ARAP2: variants seen among roughly 807,000 people sequenced by gnomAD.
The protein encoded by ARAP2 is arf-GAP with Rho-GAP domain, ANK repeat and PH domain-containing protein 2.
A neutral mutation model predicts 194.5 loss-of-function variants in ARAP2; 148 were observed. The ratio of observed to expected loss-of-function variants is 0.76; its 90% confidence interval spans 0.67 to 0.87. The LOEUF is 0.87. Ranked by LOEUF, ARAP2 falls within the 40% of genes least tolerant of loss-of-function variation. The pLI is 0.00. For missense variants in ARAP2, 2,128 were observed against 1,989.7 expected, an observed-to-expected ratio of 1.07 and a Z score of -1.32; for synonymous variants, 695 against 683.5, an observed-to-expected ratio of 1.02 and a Z score of -0.26.
At chr4:36,185,978 C>CAAAAAAAAAAAAAAAAAAAAAAAAA (rs1054588041) in intron 8 of ARAP2, among the ~76,000 whole-genome samples, 3 of 135,152 alleles carry the variant, frequency 2.2e-5, no homozygotes, top group African/African-American at 8.3e-5. Flanking sequence ...AACTCTGTCT[C>CAAAAAAAAAAAAAAAAAAAAAAAAA]AAAAAAAAAA....
chr4:36,230,790 T>C (rs573115047), intron 1 of ARAP2, among the ~76,000 whole-genome samples: 5 of 152,224 alleles, frequency 3.3e-5, no homozygotes, highest in African/African-American at 1.2e-4. Flanking sequence ...AAAACCCCTC[T>C]ACAAAAGGCA....
chr4:36,153,580 A>G (rs961469813), intron 15 of ARAP2, among the ~76,000 whole-genome samples: 2 of 152,230 alleles, frequency 1.3e-5, no homozygotes, highest in African/African-American at 4.8e-5. Context: ...CATTCTTTCA[A>G]TTCAATCTTC....
At chr4:36,164,648 T>C (rs1300048858) in intron 11 of ARAP2, among the ~76,000 whole-genome samples, 1 of 152,184 alleles carries the variant, frequency 6.6e-6, no homozygotes, top group Admixed American at 6.5e-5. Context: ...ACCTAAAATC[T>C]AGAATTTTCA....
intron 32 of ARAP2, among the ~76,000 whole-genome samples, chr4:36,071,422 T>G (rs918319021): frequency 6.6e-6 from 1 of 152,166 alleles, no homozygotes; most frequent in African/African-American, 2.4e-5. Flanking sequence ...TCATGTGTGA[T>G]TTCCTCGGCC....
intron 2 of ARAP2, among the ~76,000 whole-genome samples, chr4:36,216,234 C>T (rs1747914728): frequency 6.6e-6 from 1 of 151,960 alleles, no homozygotes; most frequent in Non-Finnish European, 1.5e-5. Context: ...CCAGCCTGGG[C>T]AACAGAACAA....
At chr4:36,153,714 T>C (rs571896126) in intron 15 of ARAP2, among the ~76,000 whole-genome samples, 70 of 152,304 alleles carry the variant, frequency 4.6e-4, no homozygotes, top group African/African-American at 1.7e-3. Flanking sequence ...TTGGATACCT[T>C]GATTGTCAGC....
rs1194965556 is a variant in ARAP2, at chr4:36,226,576, C to T, written c.905+2006G>A. ...CTCTTTTTGCAATTCATTATTTAAG[C>T]GTTTCACTCTAACTACTTATTTGGA... On this transcript the variant is annotated intron_variant, in intron 2 of 32. Coordinates refer to ENST00000303965, the MANE Select transcript of ARAP2 (RefSeq NM_015230.4). Among the ~76,000 whole-genome samples the T allele has an allele frequency of 5.3e-5, 8 of 151,608 alleles. No individual in the cohort carries two copies. The South Asian group carries it at 1.2e-3, about 24-fold the overall frequency.
intron 2 of ARAP2, among the ~76,000 whole-genome samples, chr4:36,215,051 G>A (rs1747608621): frequency 6.6e-6 from 1 of 151,996 alleles, no homozygotes; most frequent in South Asian, 2.1e-4. Context: ...CAGTGGCAGA[G>A]GTAAACATTG....
At chr4:36,224,180 C>A (rs1383333888) in intron 2 of ARAP2, among the ~76,000 whole-genome samples, 37 of 141,788 alleles carry the variant, frequency 2.6e-4, no homozygotes, top group African/African-American at 8.6e-4. Flanking sequence ...AAAAAAGAAA[C>A]AACAAATATG....
At chr4:36,044,801 G>A (rs996827863) in intron 5 of ARAP2, among the ~76,000 whole-genome samples, 3 of 151,868 alleles carry the variant, frequency 2.0e-5, no homozygotes, top group Non-Finnish European at 4.4e-5. Flanking sequence ...TTATGCATCT[G>A]ATAAGGGGAT....
chr4:36,161,923 A>G (rs1734115487), intron 11 of ARAP2, among the ~76,000 whole-genome samples: 1 of 151,986 alleles, frequency 6.6e-6, no homozygotes, highest in Non-Finnish European at 1.5e-5. Flanking sequence ...CCTGGCTAAC[A>G]GGGTGAAACC....
At chr4:36,043,844 G>GAAGGGAA (rs1560311648) in intron 5 of ARAP2, among the ~76,000 whole-genome samples, 1 of 36,884 alleles carries the variant, frequency 2.7e-5, no homozygotes, top group Non-Finnish European at 5.2e-5. Flanking sequence ...GGGAGGGGAG[G>GAAGGGAA]GGGGAGGGGA....
rs1236059495 is a variant in ARAP2, at chr4:36,067,801, A to T, written c.*106T>A. The T allele has an allele frequency of 7.6e-7, 1 of 1,322,630 alleles. No homozygotes were observed. Among genetic ancestry groups the T allele is most frequent in the Non-Finnish European group, 1.0e-6 (1 of 984,266 alleles). The allele number at this position is 1,322,630 out of a possible 1,614,324, so 81.9% of individuals were successfully genotyped here. On this transcript the variant is annotated 3_prime_UTR_variant, in exon 33 of 33. Coordinates refer to ENST00000303965, the MANE Select transcript of ARAP2 (RefSeq NM_015230.4). ...CTAAGCATAGACAAATTTGCCTATC[A>T]ATAGGCAAATTCTTATGAATTATCT...
At chr4:36,112,116 C>T (rs960482769) in intron 26 of ARAP2, among the ~76,000 whole-genome samples, 4 of 151,892 alleles carry the variant, frequency 2.6e-5, no homozygotes, top group African/African-American at 9.7e-5. Context: ...ATACCAGGAA[C>T]CACAATCCAT....
chr4:36,226,510 C>T (rs1384889947), intron 2 of ARAP2, among the ~76,000 whole-genome samples: 2 of 139,044 alleles, frequency 1.4e-5, no homozygotes, highest in Non-Finnish European at 3.2e-5. Flanking sequence ...ATCTTTTAAG[C>T]CCCCCCCCAC....
chr4:36,202,792 G>T (rs1166455159), intron 6 of ARAP2, among the ~76,000 whole-genome samples: 3 of 152,038 alleles, frequency 2.0e-5, no homozygotes, highest in Non-Finnish European at 4.4e-5. Flanking sequence ...AAAGGGTTAA[G>T]AAATAAATAA....
intron 5 of ARAP2, among the ~76,000 whole-genome samples, chr4:36,043,134 C>T (rs1721160621): frequency 6.6e-6 from 1 of 152,132 alleles, no homozygotes; most frequent in Admixed American, 6.6e-5. Flanking sequence ...TGAGCCACCC[C>T]ACCTGCACTC....
At chr4:36,107,468 G>A (rs542845341) in intron 27 of ARAP2, 97 bp downstream of exon 27, 27 of 1,302,954 alleles carry the variant, frequency 2.1e-5, no homozygotes, top group Middle Eastern at 2.0e-4. Context: ...CTAGCTACTC[G>A]TTTTTCACAT....
intron 9 of ARAP2, 129 bp downstream of exon 9, chr4:36,177,698 A>G (rs1016503709): frequency 6.3e-6 from 5 of 796,198 alleles, no homozygotes; most frequent in Admixed American, 7.0e-5. Context: ...TTTCTTTGGT[A>G]TATTTAGTGG....
Sources: gnomAD v4.1 joint callset for allele counts (sites outside exome capture counted in the v4.1 genomes callset) on GRCh38, gnomAD v4.1.1 for gene constraint, MANE v1.5 for transcripts, NCBI Gene and HGNC (gene_info 2026-07-23, HGNC 2026-07-21) for gene names.